Variants in CHUK observed in about 807,000 individuals in gnomAD.
CHUK encodes component of inhibitor of nuclear factor kappa B kinase complex.
CHUK carries 35 observed loss-of-function variants against 104.8 expected under a neutral mutation model. The observed-to-expected ratio is 0.33, with a 90% CI of 0.26 to 0.44. The LOEUF is 0.44. CHUK is among the 20% of genes least tolerant of loss of function. The pLI is 1.00. For missense variants in CHUK, 663 were observed against 902.7 expected, an observed-to-expected ratio of 0.73 and a Z score of 3.40; for synonymous variants, 276 against 291.9, an observed-to-expected ratio of 0.95 and a Z score of 0.56.
rs1429928554 is a variant in CHUK at position 100,188,331 on chromosome 10, T to C, written c.*1267A>G. 6.6e-6 allele frequency: 1 copy of C among 152,668 alleles called. No homozygotes were observed. The highest frequency in any genetic ancestry group is 1.5e-5 in the Non-Finnish European group (1 of 68,044). 9.5% of individuals were successfully genotyped at this position (152,668 alleles called of 1,614,324 possible). A position where few individuals can be genotyped will look rare whatever the true frequency, so the allele number is the denominator to read the frequency against. ...TAAGCCATATTCAACTGTTTTATTA[T>C]AATCTGATTTTTATAATGAATAGAG... On this transcript the variant is annotated 3_prime_UTR_variant, in exon 21 of 21. Coordinates refer to ENST00000370397, the MANE Select transcript of CHUK (RefSeq NM_001278.5).
chr10:100,222,406 G>A (rs1035384284), intron 3 of CHUK, among the ~76,000 whole-genome samples: 1 of 151,980 alleles, frequency 6.6e-6, no homozygotes, highest in Admixed American at 6.6e-5. Flanking sequence ...GGAAAAGGCT[G>A]ACAAATCTCA....
In CHUK at chr10:100,229,491, G is replaced by A. The variant is rs938655295; in HGVS notation, c.42C>T (p.Pro14=). ...PPGLRPGAGG[P]WEMRERLGTG... ...TGCCCAGCCGCTCCCGCATCTCCCA[G>A]GGCCCGCCCGCGCCCGGCCGCAGCC... Residue 14 remains proline, a synonymous_variant, in exon 1 of 21, where the codon CCC becomes CCT. Coordinates refer to ENST00000370397, the MANE Select transcript of CHUK (RefSeq NM_001278.5). 11 of 1,585,996 alleles carry A rather than the reference G, an allele frequency of 6.9e-6. No homozygotes were observed. Among genetic ancestry groups the A allele is most frequent in the African/African-American group, 4.0e-5 (3 of 74,458 alleles).
At chr10:100,203,028 G>T (rs1322326401) in intron 13 of CHUK, among the ~76,000 whole-genome samples, 1 of 151,940 alleles carries the variant, frequency 6.6e-6, no homozygotes, top group Non-Finnish European at 1.5e-5. Context: ...CAAAGTGTTG[G>T]GATTACAGGC....
At chr10:100,201,132 T>C (rs2134216503) in intron 14 of CHUK, among the ~76,000 whole-genome samples, 1 of 152,216 alleles carries the variant, frequency 6.6e-6, no homozygotes, top group Non-Finnish European at 1.5e-5. Flanking sequence ...GGCTCTATGA[T>C]TTTGACTGCC....
At chr10:100,226,143 C>T (rs1419142133) in intron 1 of CHUK, 126 bp from the exon 2 acceptor site, 2 of 660,894 alleles carry the variant, frequency 3.0e-6, no homozygotes, top group Non-Finnish European at 5.4e-6. Context: ...TTATCCACAG[C>T]TCTCTTGAGG....
intron 9 of CHUK, among the ~76,000 whole-genome samples, chr10:100,213,996 C>T (rs771615373): frequency 5.3e-4 from 81 of 152,190 alleles, no homozygotes; most frequent in Admixed American, 5.9e-4. Flanking sequence ...AAAACTGATA[C>T]GGATTTGCAA....
chr10:100,199,476 G>A (rs11190422), intron 16 of CHUK, among the ~76,000 whole-genome samples: 7,582 of 152,170 alleles, frequency 0.05, 256 homozygotes, highest in East Asian at 0.096. Flanking sequence ...ACAGGCACAT[G>A]CCAACATGCC....
intron 2 of CHUK, among the ~76,000 whole-genome samples, chr10:100,224,526 T>C (rs916518418): frequency 6.6e-6 from 1 of 151,950 alleles, no homozygotes; most frequent in African/African-American, 2.4e-5. Flanking sequence ...AACCTCCGCC[T>C]CCCGGGTTCA....
At chr10:100,217,073 T>TCATA (rs10632101) in intron 9 of CHUK, among the ~76,000 whole-genome samples, 30,179 of 151,670 alleles carry the variant, frequency 0.2, 5,339 homozygotes, top group African/African-American at 0.48. Context: ...GAAATGGATA[T>TCATA]CCAGGCAGAA....
intron 9 of CHUK, among the ~76,000 whole-genome samples, chr10:100,211,430 T>A (rs773811690): frequency 6.6e-6 from 1 of 152,186 alleles, no homozygotes; most frequent in Non-Finnish European, 1.5e-5. Context: ...ACCTTTTTTT[T>A]CTTTTGCTGC....
At chr10:100,190,752 C>G in intron 20 of CHUK, 117 bp downstream of exon 20, 1 of 772,974 alleles carries the variant, frequency 1.3e-6, no homozygotes, top group Non-Finnish European at 2.4e-6. Context: ...GCTCTTTCCT[C>G]TTGAGTTCTT....
intron 14 of CHUK, among the ~76,000 whole-genome samples, chr10:100,201,684 G>A (rs7897733): frequency 1.2e-4 from 18 of 151,984 alleles, no homozygotes; most frequent in African/African-American, 3.6e-4. Context: ...GTGAGACCCC[G>A]TCTCTACAAA....
chr10:100,194,124 A>G lies in CHUK; in HGVS notation c.1834T>C (p.Leu612=), dbSNP rs778529563. 58 of 1,613,368 alleles carry G rather than the reference A, an allele frequency of 3.6e-5. No homozygotes were observed. Among genetic ancestry groups the G allele is most frequent in the Non-Finnish European group, 4.9e-5 (58 of 1,179,936 alleles). The change falls in exon 18 of 21, where the codon TTG becomes CTG. Residue 612 remains leucine (L), a synonymous_variant. Transcript: ENST00000370397. ...KELFGHLSKL[L]GCKQKIIDLL... is the part of the protein sequence containing the mutation. ...TCAATAATCTTCTGCTTACAGCCCA[A>G]CAACTTGCTGGAGAGATTAAATCAG...
chr10:100,190,810 G>T, intron 20 of CHUK, 59 bp downstream of exon 20: 1 of 955,728 alleles, frequency 1.0e-6, no homozygotes, highest in Non-Finnish European at 1.7e-6. Flanking sequence ...AGCATGGAAA[G>T]TTAAACCTTT....
Position 100,204,610 on chromosome 10 carries a change from G to A in CHUK, c.1403C>T (p.Thr468Ile), listed in dbSNP as rs775321999. The A allele has an allele frequency of 2.5e-6, 4 of 1,612,988 alleles. No individual in the cohort carries two copies. Among genetic ancestry groups the A allele is most frequent in the Middle Eastern group, 3.3e-4 (2 of 6,056 alleles). The part of the protein sequence containing the change: ...YNANLTKMKN[T>I]LISASQQLKA... ...CAGTTGTTGTGATGCTGAGATCAAA[G>A]TGTTCTTCATTTTTGTTAAGTTAGC... Residue 468 changes from threonine (T) to isoleucine (I), a missense_variant, in exon 13 of 21, where the codon ACT (threonine) becomes ATT (isoleucine). Physicochemically the swap from Thr to Ile is moderately conservative, Grantham distance 89 (BLOSUM62 -1). Transcript: ENST00000370397.
At chr10:100,193,251 C>T in intron 19 of CHUK, 47 bp downstream of exon 19, 1 of 1,605,066 alleles carries the variant, frequency 6.2e-7, no homozygotes, top group Non-Finnish European at 8.5e-7. Flanking sequence ...CATTCCTATA[C>T]CACTGCTATG....
chr10:100,220,883 T>C lies in CHUK; in HGVS notation c.386-207A>G, dbSNP rs533009851. Among the ~76,000 whole-genome samples, 12 of 152,322 alleles carry C rather than the reference T, an allele frequency of 7.9e-5. No homozygotes were observed. In the South Asian group the frequency reaches 2.3e-3, roughly 29 times the overall value. On this transcript the variant is annotated intron_variant, in intron 4 of 20. Coordinates refer to ENST00000370397, the MANE Select transcript of CHUK (RefSeq NM_001278.5). Reference sequence around the variant, plus strand: ...ACTACAAAATTATACTATATGTTCATTTAACTCATTAGAATTAACACCAAA... The same window carrying C: ...ACTACAAAATTATACTATATGTTCACTTAACTCATTAGAATTAACACCAAA...
intron 1 of CHUK, among the ~76,000 whole-genome samples, chr10:100,226,296 T>C (rs1457114993): frequency 6.6e-6 from 1 of 152,028 alleles, no homozygotes; most frequent in African/African-American, 2.4e-5. Flanking sequence ...TCATATATAA[T>C]GTTAGAAAAA....
chr10:100,211,823 C>G (rs375326150), intron 9 of CHUK, among the ~76,000 whole-genome samples: 2 of 151,962 alleles, frequency 1.3e-5, no homozygotes. Context: ...CACAAGCCTG[C>G]TTTAAAATCC....
Sources: allele counts gnomAD v4.1 joint callset (sites outside exome capture counted in the v4.1 genomes callset), GRCh38; gene constraint gnomAD v4.1.1; transcripts MANE v1.5; gene names NCBI Gene and HGNC (gene_info 2026-07-23, HGNC 2026-07-21).